The following PACRGL variants were observed in gnomAD, a reference collection of about 807,000 sequenced individuals.
PACRGL encodes the protein parkin coregulated like.
PACRGL carries 38 observed loss-of-function variants against 34.5 expected under a neutral mutation model. The observed-to-expected ratio is 1.10, with a 90% CI of 0.85 to 1.44. The LOEUF (loss-of-function observed/expected upper bound fraction) is 1.44. Ranked by LOEUF, PACRGL falls within the 40% of genes most tolerant of loss-of-function variation. PACRGL has a pLI of 0.00. For missense variants in PACRGL, 305 were observed against 281.4 expected (o/e 1.08, Z -0.60); for synonymous variants, 128 against 100.1 (o/e 1.28, Z -1.66).
At chr4:20,714,755 A>G (rs1409209725) in intron 7 of PACRGL, among the ~76,000 whole-genome samples, 7 of 152,188 alleles carry the variant, frequency 4.6e-5, no homozygotes, top group Non-Finnish European at 4.4e-5. Context: ...AATGGCAGTC[A>G]TTAAAAAGTC....
At chr4:20,766,490 T>C in the PACRGL span, among the ~76,000 whole-genome samples, 1 of 152,120 alleles carries the variant, frequency 6.6e-6, no homozygotes, top group Non-Finnish European at 1.5e-5. Flanking sequence ...CACTTGAATC[T>C]GGGAGATGGA....
Position 20,740,612 on chromosome 4 carries a change from G to A in PACRGL, c.*57-11953G>A, listed in dbSNP as rs150199950. ...AAAGGAACAACTGATACCAGCCACT[G>A]CAAAAACATGCCAAATTGTAAAGAC... is the stretch of plus-strand genomic sequence containing the variant. On this transcript the variant is annotated intron_variant, in intron 8 of 8. Transcript: ENST00000507634. Among the ~76,000 whole-genome samples, 338 of 152,308 alleles carry A rather than the reference G, an allele frequency of 2.2e-3. 1 individual carries two copies. The highest frequency in any genetic ancestry group is 0.01 in the Middle Eastern group (3 of 294).
rs1736001777 is a variant in PACRGL, at chr4:20,709,294, T to C, written c.276-389T>C. Among the ~76,000 whole-genome samples, 8 of 152,360 alleles carry C rather than the reference T, an allele frequency of 5.3e-5. No homozygotes were observed. In the South Asian group the frequency reaches 1.7e-3, roughly 32 times the overall value. On this transcript the variant is annotated intron_variant, in intron 4 of 8. Transcript: ENST00000503585. ...TCAGGTTATTAGTGTTAGGGTTACA[T>C]GATCTATATCTGAAAAACAATGTTC...
chr4:20,722,034 C>T (rs1044290453), intron 7 of PACRGL, among the ~76,000 whole-genome samples: 3 of 152,356 alleles, frequency 2.0e-5, no homozygotes, highest in Non-Finnish European at 4.4e-5. Context: ...GCGGGCGCCC[C>T]TCTCCCAGCC....
chr4:20,746,289 G>T (rs1752402880), intron 8 of PACRGL, among the ~76,000 whole-genome samples: 1 of 151,886 alleles, frequency 6.6e-6, no homozygotes, highest in Admixed American at 6.6e-5. Context: ...ACCAAACATT[G>T]CATGTTCTCA....
chr4:20,732,153 A>G lies in PACRGL; in HGVS notation c.*4812A>G, dbSNP rs1285251685. The G allele has an allele frequency of 6.7e-6, 6 of 891,746 alleles. No individual in the cohort carries two copies. Among genetic ancestry groups the G allele is most frequent in the Non-Finnish European group, 1.1e-5 (6 of 560,018 alleles). 55.2% of individuals were successfully genotyped at this position (891,746 alleles called of 1,614,324 possible). ...GACCAAATGAGCTGAAGCTGATAAA[A>G]AGAAAACCTAGCTGCTTATTTATTT... On this transcript the variant is annotated 3_prime_UTR_variant, in exon 9 of 9. Transcript: ENST00000503585.
At chr4:20,733,335 A>G (rs986877386), downstream of PACRGL, among the ~76,000 whole-genome samples, 1 of 152,124 alleles carries the variant, frequency 6.6e-6, no homozygotes, top group African/African-American at 2.4e-5. Context: ...ACACCTTTAA[A>G]TTTTGTTATT....
At chr4:20,739,982 G>A (rs1445139665) in intron 8 of PACRGL, among the ~76,000 whole-genome samples, 1 of 152,190 alleles carries the variant, frequency 6.6e-6, no homozygotes, top group African/African-American at 2.4e-5. Context: ...TCAAGTGGAA[G>A]AAAGGGTATC....
intron 8 of PACRGL, chr4:20,752,442 T>C (rs1456454350): frequency 3.9e-5 from 6 of 152,198 alleles, no homozygotes; most frequent in Admixed American, 3.9e-4. Context: ...AAAATTTCAG[T>C]AAATATTAGC....
intron 8 of PACRGL, among the ~76,000 whole-genome samples, chr4:20,750,081 C>A (rs1453392015): frequency 6.6e-6 from 1 of 152,162 alleles, no homozygotes; most frequent in Non-Finnish European, 1.5e-5. Context: ...AAGAGACCAT[C>A]TCTAGAAGTA....
At chr4:20,746,321 A>T (rs1051332739) in intron 8 of PACRGL, among the ~76,000 whole-genome samples, 1 of 152,028 alleles carries the variant, frequency 6.6e-6, no homozygotes, top group African/African-American at 2.4e-5. Context: ...GAATTGAACA[A>T]TGAGAACACA....
the PACRGL span, among the ~76,000 whole-genome samples, chr4:20,758,171 A>G: frequency 1.3e-5 from 2 of 152,186 alleles, no homozygotes; most frequent in South Asian, 4.1e-4. Context: ...ATAAGGTCCA[A>G]TGGCAAGAAT....
intron 8 of PACRGL, among the ~76,000 whole-genome samples, chr4:20,738,062 C>T (rs573491932): frequency 6.6e-6 from 1 of 151,048 alleles, no homozygotes; most frequent in South Asian, 2.1e-4. Flanking sequence ...CCCAGAAGGT[C>T]GAGGCTACAG....
At chr4:20,764,401 C>T in the PACRGL span, among the ~76,000 whole-genome samples, 1 of 151,992 alleles carries the variant, frequency 6.6e-6, no homozygotes, top group African/African-American at 2.4e-5. Context: ...ACTTACCATA[C>T]TGTTGCATAT....
rs553014068 is a variant in PACRGL, at chr4:20,704,319, T to C, written c.-16-147T>C. ...TTGACATAATTTCATGTTTTCTCAT[T>C]AGTCTTTTCCAGTATTTTGCTCCAT... On this transcript the variant is annotated intron_variant, in intron 1 of 8. Transcript: ENST00000503585. 17 of 630,272 alleles carry C rather than the reference T, an allele frequency of 2.7e-5. No homozygotes were observed. In the East Asian group the frequency reaches 4.7e-4, roughly 18 times the overall value. 39.0% of individuals were successfully genotyped at this position (630,272 alleles called of 1,614,324 possible). A position where few individuals can be genotyped will look rare whatever the true frequency, so the allele number is the denominator to read the frequency against.
intron 1 of PACRGL, among the ~76,000 whole-genome samples, chr4:20,703,069 A>G (rs73240222): frequency 0.039 from 5,962 of 152,320 alleles, 175 homozygotes; most frequent in Middle Eastern, 0.065. Context: ...GAGGATTTCT[A>G]ACTTGTTAAG....
chr4:20,713,134 G>A lies in PACRGL; in HGVS notation c.501+212G>A. 1.2e-5 allele frequency: 7 copies of A among 565,604 alleles called. No homozygotes were observed. In the South Asian group the frequency reaches 1.9e-4, roughly 15 times the overall value. 35.0% of individuals were successfully genotyped at this position (565,604 alleles called of 1,614,324 possible). A position where few individuals can be genotyped will look rare whatever the true frequency, so the allele number is the denominator to read the frequency against. ...GACATCTTTAGAGGATGTACTAAAGGTAAAAAGGGACATTTTAAGTAATTA... is the reference window on the plus strand; with the variant it reads ...GACATCTTTAGAGGATGTACTAAAGATAAAAAGGGACATTTTAAGTAATTA... On this transcript the variant is annotated intron_variant, in intron 6 of 8. Coordinates refer to ENST00000503585, the MANE Select transcript of PACRGL (RefSeq NM_001258345.3).
At chr4:20,726,425 T>C (rs1745674961) in intron 8 of PACRGL, among the ~76,000 whole-genome samples, 2 of 152,202 alleles carry the variant, frequency 1.3e-5, no homozygotes, top group African/African-American at 4.8e-5. Context: ...CTACATAATA[T>C]TTTAATAATG....
At chr4:20,714,280 G>C (rs901341790) in intron 7 of PACRGL, among the ~76,000 whole-genome samples, 2 of 152,054 alleles carry the variant, frequency 1.3e-5, no homozygotes, top group African/African-American at 4.8e-5. Context: ...TTTGATCTTT[G>C]TTGGTTTAAA....
Sources: gnomAD v4.1 joint callset for allele counts (sites outside exome capture counted in the v4.1 genomes callset) on GRCh38, gnomAD v4.1.1 for gene constraint, MANE v1.5 for transcripts, NCBI Gene and HGNC (gene_info 2026-07-23, HGNC 2026-07-21) for gene names.